Variants in GNB2 observed in about 807,000 individuals in gnomAD.
GNB2 encodes the protein guanine nucleotide-binding protein G(I)/G(S)/G(T) subunit beta-2.
In GNB2, 7 loss-of-function variants were observed where a neutral mutation model predicts 40.7. The ratio of observed to expected loss-of-function variants is 0.17; its 90% CI spans 0.10 to 0.32. GNB2 has a LOEUF of 0.32. Among genes scored for constraint, GNB2 ranks in the 10% least tolerant of loss-of-function variants. The probability of loss-of-function intolerance (pLI) is 1.00; values close to 1 mark genes in which losing one functional copy is unlikely to be tolerated. For synonymous variants in GNB2, 254 were observed against 191.2 expected (o/e 1.33, Z -2.71); for missense variants, 286 against 473.0 (o/e 0.60, Z 3.67).
chr7:100,678,837 C>A lies in GNB2; in HGVS notation c.*36C>A. 2 of 1,486,842 alleles carry A rather than the reference C, an allele frequency of 1.3e-6. No individual in the cohort carries two copies. The highest frequency in any genetic ancestry group is 1.9e-6 in the Non-Finnish European group (2 of 1,065,648). 92.1% of individuals were successfully genotyped at this position (1,486,842 alleles called of 1,614,324 possible). A position where few individuals can be genotyped will look rare whatever the true frequency, so the allele number is the denominator to read the frequency against. ...CCCACTGGGCCCAGGCCAGGAGGGG[C>A]CCTGCCCATGCCCACACTACAGGCC... is the stretch of plus-strand genomic sequence containing the variant. On this transcript the variant is annotated 3_prime_UTR_variant, in exon 10 of 10. Coordinates refer to ENST00000303210, the MANE Select transcript of GNB2 (RefSeq NM_005273.4).
Position 100,678,485 on chromosome 7 carries a change from A to C in GNB2, c.787A>C (p.Met263Leu). ...FDLRADQELL[M>L]YSHDNIICGI... ...CCTGCGGGCCGATCAGGAGCTCCTC[A>C]TGTACTCCCATGACAACATCATCTG... is the stretch of plus-strand genomic sequence containing the variant. Residue 263 changes from methionine to leucine, a missense_variant, in exon 9 of 10, where the codon ATG becomes CTG. Coordinates refer to ENST00000303210, the MANE Select transcript of GNB2 (RefSeq NM_005273.4). 6.2e-7 allele frequency: 1 copy of C among 1,613,760 alleles called. No individual in the cohort carries two copies. Among genetic ancestry groups the C allele is most frequent in the African/African-American group, 1.3e-5 (1 of 75,024 alleles).
intron 4 of GNB2, chr7:100,677,097 G>C (rs993277635): frequency 3.4e-6 from 2 of 594,176 alleles, no homozygotes; most frequent in African/African-American, 3.7e-5. Flanking sequence ...AACATAGTGA[G>C]ACCCTGGCTC....
chr7:100,677,819 G>A lies in GNB2; in HGVS notation c.497+1G>A. ...TCACCAGCTCTGGGGATACCACCTG[G>A]TGAGGCTCTGCCAGGGCTGGGCAGT... On this transcript the variant is annotated splice_donor_variant, in intron 7 of 9. Transcript: ENST00000303210. LOFTEE classifies it high-confidence loss of function. The A allele has an allele frequency of 6.2e-7, 1 of 1,613,044 alleles. No individual in the cohort carries two copies. Among genetic ancestry groups the A allele is most frequent in the Non-Finnish European group, 8.5e-7 (1 of 1,179,538 alleles).
In GNB2 at chr7:100,678,821, C is replaced by T. The variant is rs529680310; in HGVS notation, c.*20C>T. 3 of 1,571,406 alleles carry T rather than the reference C, an allele frequency of 1.9e-6. No homozygotes were observed. Among genetic ancestry groups the T allele is most frequent in the Non-Finnish European group, 2.6e-6 (3 of 1,141,958 alleles). On this transcript the variant is annotated 3_prime_UTR_variant, in exon 10 of 10. Coordinates refer to ENST00000303210, the MANE Select transcript of GNB2 (RefSeq NM_005273.4). ...AACTAATGGCCCCACCCCCACTGGG[C>T]CCAGGCCAGGAGGGGCCCTGCCCAT...
chr7:100,674,598 C>T (rs1051176354), intron 1 of GNB2, among the ~76,000 whole-genome samples: 2 of 152,150 alleles, frequency 1.3e-5, no homozygotes, highest in Admixed American at 6.5e-5. Flanking sequence ...CGCACCAGCC[C>T]GCGCCTTCCA....
At position 100,678,409 on chromosome 7, in the gene GNB2, C is replaced by CGGCTA; in HGVS notation, c.712_716dup (p.Tyr239Ter). On this transcript the variant is annotated frameshift_variant, in exon 9 of 10. Coordinates refer to ENST00000303210, the MANE Select transcript of GNB2 (RefSeq NM_005273.4). LOFTEE classifies it high-confidence loss of function. Reference sequence around the variant, plus strand: ...CCCGTGTCCTGCAGTTCTTCCCCAACGGCTACGCCTTCACCACCGGCTCTG... The same window carrying CGGCTA: ...CCCGTGTCCTGCAGTTCTTCCCCAACGGCTAGGCTACGCCTTCACCACCGGCTCTG... The CGGCTA allele has an allele frequency of 6.2e-7, 1 of 1,613,172 alleles. No individual in the cohort carries two copies. Among genetic ancestry groups the CGGCTA allele is most frequent in the Non-Finnish European group, 8.5e-7 (1 of 1,179,754 alleles).
rs751413985 is a variant in GNB2 at position 100,677,795 on chromosome 7, C to T, written c.474C>T (p.Ile158=). 4.3e-6 allele frequency: 7 copies of T among 1,613,718 alleles called. No homozygotes were observed. In the South Asian group the frequency reaches 4.4e-5, roughly 10 times the overall value. The change falls in exon 7 of 10, where the codon ATC becomes ATT. Residue 158 remains isoleucine (I), a synonymous_variant. Coordinates refer to ENST00000303210, the MANE Select transcript of GNB2 (RefSeq NM_005273.4). ...CCRFLDDNQI[I]TSSGDTTCAL... The stretch of plus-strand genomic sequence containing the variant: ...GCTTCCTGGATGACAACCAAATCAT[C>T]ACCAGCTCTGGGGATACCACCTGGT...
At position 100,673,886 on chromosome 7, in the gene GNB2, C is replaced by T. The variant is rs1804295744; in HGVS notation, c.-127C>T. 2 of 181,994 alleles carry T rather than the reference C, an allele frequency of 1.1e-5. No homozygotes were observed. The highest frequency in any genetic ancestry group is 2.4e-5 in the African/African-American group (1 of 41,660). The allele number at this position is 181,994 out of a possible 1,614,324, so 11.3% of individuals were successfully genotyped here. ...GGAGGAAGACAGCGCCGCCCGCGCA[C>T]CGCCAGCGACCTCCGCCGCAGAGTC... On this transcript the variant is annotated 5_prime_UTR_variant, in exon 1 of 10. Coordinates refer to ENST00000303210, the MANE Select transcript of GNB2 (RefSeq NM_005273.4).
At chr7:100,675,448 C>G (rs1438736332) in intron 1 of GNB2, 1 of 151,594 alleles carries the variant, frequency 6.6e-6, no homozygotes, top group Non-Finnish European at 1.5e-5. Flanking sequence ...CGGGGTGAGC[C>G]GTCCAGAACC....
intron 1 of GNB2, 162 bp from the exon 2 acceptor site, chr7:100,676,015 G>C: frequency 2.1e-6 from 1 of 474,050 alleles, no homozygotes; most frequent in Non-Finnish European, 3.7e-6. Flanking sequence ...CTCTTACTCG[G>C]CGACGTCTCT....
At chr7:100,676,606 G>T (rs748660513) in intron 3 of GNB2, 33 bp downstream of exon 3, 2 of 1,584,518 alleles carry the variant, frequency 1.3e-6, no homozygotes, top group Non-Finnish European at 1.7e-6. Context: ...GCGTAACTAG[G>T]GGTTGAAGGG....
In GNB2 at chr7:100,677,878, A is replaced by G. The variant is rs950889711; in HGVS notation, c.497+60A>G. The G allele has an allele frequency of 3.5e-6, 5 of 1,432,382 alleles. No individual in the cohort carries two copies. The African/African-American group carries it at 7.0e-5, about 20-fold the overall frequency. The allele number at this position is 1,432,382 out of a possible 1,614,324, so 88.7% of individuals were successfully genotyped here. A position where few individuals can be genotyped will look rare whatever the true frequency, so the allele number is the denominator to read the frequency against. Reference sequence around the variant, plus strand: ...ACCCACACTTCCTGCCTCAGGGGCCACCGTCCCAGTGCTCAACATGCAGCA... The same window carrying G: ...ACCCACACTTCCTGCCTCAGGGGCCGCCGTCCCAGTGCTCAACATGCAGCA... On this transcript the variant is annotated intron_variant, in intron 7 of 9. Transcript: ENST00000303210.
In GNB2 at chr7:100,678,143, T is replaced by C. The variant is rs1804399287; in HGVS notation, c.543T>C (p.Ala181=). 8 of 1,614,104 alleles carry C rather than the reference T, an allele frequency of 5.0e-6. No individual in the cohort carries two copies. Among genetic ancestry groups the C allele is most frequent in the Non-Finnish European group, 6.8e-6 (8 of 1,179,944 alleles). ...IETGQQTVGF[A]GHSGDVMSLS... ...CAGGCCAGCAGACAGTGGGTTTTGC[T>C]GGACACAGTGGGGATGTGATGTCCC... Residue 181 remains alanine, a synonymous_variant, in exon 8 of 10, where the codon GCT becomes GCC. Coordinates refer to ENST00000303210, the MANE Select transcript of GNB2 (RefSeq NM_005273.4).
rs553231073 is a variant in GNB2, at chr7:100,673,893, C to G, written c.-120C>G. On this transcript the variant is annotated 5_prime_UTR_variant, in exon 1 of 10. Coordinates refer to ENST00000303210, the MANE Select transcript of GNB2 (RefSeq NM_005273.4). ...GACAGCGCCGCCCGCGCACCGCCAG[C>G]GACCTCCGCCGCAGAGTCCCACCGC... 2 of 180,100 alleles carry G rather than the reference C, an allele frequency of 1.1e-5. No homozygotes were observed. Among genetic ancestry groups the G allele is most frequent in the Admixed American group, 6.4e-5 (1 of 15,600 alleles). 11.2% of individuals were successfully genotyped at this position (180,100 alleles called of 1,614,324 possible).
At chr7:100,677,013 A>C in intron 4 of GNB2, 1 of 596,580 alleles carries the variant, frequency 1.7e-6, no homozygotes, top group Non-Finnish European at 3.0e-6. Context: ...CAGGTGGCTC[A>C]CGCCTGTAAT....
chr7:100,676,642 T>C (rs1426529741), intron 3 of GNB2, 51 bp from the exon 4 acceptor site: 1 of 1,545,324 alleles, frequency 6.5e-7, no homozygotes, highest in South Asian at 1.1e-5. Flanking sequence ...CGCTGCCCTC[T>C]GCAGTCCTGC....
rs1036263052 is a variant in GNB2, at chr7:100,677,256, A to C, written c.204-96A>C. The C allele has an allele frequency of 2.4e-5, 23 of 955,266 alleles. No individual in the cohort carries two copies. The African/African-American group carries it at 3.2e-4, about 13-fold the overall frequency. 59.2% of individuals were successfully genotyped at this position (955,266 alleles called of 1,614,324 possible). Reference sequence around the variant, plus strand: ...GGTGCCACTGCACTCCAGCCTGCACAACAGAGAGAGACCCTACCTTCTCCC... The same window carrying C: ...GGTGCCACTGCACTCCAGCCTGCACCACAGAGAGAGACCCTACCTTCTCCC... On this transcript the variant is annotated intron_variant, in intron 4 of 9. Transcript: ENST00000303210.
At chr7:100,674,003 CGG>C (rs1804298326) in intron 1 of GNB2, 80 bp downstream of exon 1, 1 of 154,800 alleles carries the variant, frequency 6.5e-6, no homozygotes, top group Non-Finnish European at 1.4e-5. Flanking sequence ...TTCGGTCTCC[CGG>C]GGCTGGCCTC....
chr7:100,678,891 C>A lies in GNB2; in HGVS notation c.*90C>A. On this transcript the variant is annotated 3_prime_UTR_variant, in exon 10 of 10. Transcript: ENST00000303210. Reference sequence around the variant, plus strand: ...GCTGCGGGGCTGGCGCAATCCCAGCCCCCTTCCCCGGGCCACGGGGCCTTG... The same window carrying A: ...GCTGCGGGGCTGGCGCAATCCCAGCACCCTTCCCCGGGCCACGGGGCCTTG... The A allele has an allele frequency of 1.9e-6, 2 of 1,040,314 alleles. No individual in the cohort carries two copies. The highest frequency in any genetic ancestry group is 2.9e-6 in the Non-Finnish European group (2 of 697,876). The allele number at this position is 1,040,314 out of a possible 1,614,324, so 64.4% of individuals were successfully genotyped here. A position where few individuals can be genotyped will look rare whatever the true frequency, so the allele number is the denominator to read the frequency against.
Sources: allele counts gnomAD v4.1 joint callset (sites outside exome capture counted in the v4.1 genomes callset), GRCh38; gene constraint gnomAD v4.1.1; transcripts MANE v1.5; gene names NCBI Gene and HGNC (gene_info 2026-07-23, HGNC 2026-07-21).